The following MALRD1 variants were observed in gnomAD, a reference collection of about 807,000 sequenced individuals.
MALRD1 encodes MAM and LDL-receptor class A domain-containing protein 1.
MALRD1 carries 247 observed loss-of-function variants against 242.1 expected under a neutral mutation model. That is an observed-to-expected ratio of 1.02 (90% confidence interval 0.92 to 1.13). MALRD1 has a LOEUF of 1.13. MALRD1 is among the 50% of genes most tolerant of loss of function. The pLI is 0.00. For missense variants in MALRD1, 2,989 were observed against 2,533.1 expected, an observed-to-expected ratio of 1.18 and a Z score of -3.86; for synonymous variants, 995 against 866.6, an observed-to-expected ratio of 1.15 and a Z score of -2.60.
At position 19,098,737 on chromosome 10, in the gene MALRD1, A is replaced by G. The variant is rs189949269; in HGVS notation, c.598-5242A>G. Among the ~76,000 whole-genome samples, 93 of 152,290 alleles carry G rather than the reference A, an allele frequency of 6.1e-4. 4 individuals are homozygous for G. The East Asian group carries it at 0.016, about 26-fold the overall frequency. ...TTCATTGTTTCATGCCAAGGAAATC[A>G]AAGACGTGAACATACAAGGAGTGAG... is the stretch of plus-strand genomic sequence containing the variant. On this transcript the variant is annotated intron_variant, in intron 4 of 39. Coordinates refer to ENST00000454679, the MANE Select transcript of MALRD1 (RefSeq NM_001142308.3).
intron 4 of MALRD1, 134 bp downstream of exon 4, chr10:19,088,319 C>A: frequency 1.3e-6 from 1 of 780,024 alleles, no homozygotes. Flanking sequence ...CTTTCAAATG[C>A]TGAAAGTGGA....
chr10:19,363,916 A>T (rs1845003854), intron 26 of MALRD1, among the ~76,000 whole-genome samples: 1 of 152,112 alleles, frequency 6.6e-6, no homozygotes, highest in African/African-American at 2.4e-5. Context: ...CTAATATGCA[A>T]CCAGGGTGGA....
At chr10:19,238,564 T>C (rs1838596275) in intron 18 of MALRD1, among the ~76,000 whole-genome samples, 2 of 122,156 alleles carry the variant, frequency 1.6e-5, no homozygotes, top group Non-Finnish European at 3.2e-5. Context: ...ATATTATATA[T>C]AATATACATA....
chr10:19,415,154 A>G (rs1232957651), intron 28 of MALRD1, among the ~76,000 whole-genome samples: 3 of 152,204 alleles, frequency 2.0e-5, no homozygotes, highest in Admixed American at 6.5e-5. Flanking sequence ...AATTCAATAC[A>G]TAGGACAGAC....
chr10:19,143,063 T>C (rs756105895), intron 10 of MALRD1, among the ~76,000 whole-genome samples: 4 of 152,232 alleles, frequency 2.6e-5, no homozygotes, highest in Non-Finnish European at 5.9e-5. Flanking sequence ...CACACATCTT[T>C]ATGGTGACGG....
intron 32 of MALRD1, among the ~76,000 whole-genome samples, chr10:19,556,870 C>A (rs755448862): frequency 6.6e-6 from 1 of 152,056 alleles, no homozygotes; most frequent in Non-Finnish European, 1.5e-5. Context: ...AGTTTGCATT[C>A]CCACCAGAAG....
intron 29 of MALRD1, among the ~76,000 whole-genome samples, chr10:19,489,888 G>T (rs905527095): frequency 8.5e-5 from 13 of 152,142 alleles, no homozygotes; most frequent in Admixed American, 5.2e-4. Context: ...TAGCCTCTTT[G>T]GTTGTGATAG....
chr10:19,503,051 A>G (rs1164036685), intron 31 of MALRD1, among the ~76,000 whole-genome samples: 1 of 152,178 alleles, frequency 6.6e-6, no homozygotes, highest in South Asian at 2.1e-4. Flanking sequence ...TTGTCTGCAG[A>G]TTTAAAAAAA....
intron 1 of MALRD1, among the ~76,000 whole-genome samples, chr10:19,055,528 A>G (rs958604501): frequency 2.6e-5 from 4 of 152,162 alleles, no homozygotes; most frequent in Non-Finnish European, 4.4e-5. Flanking sequence ...TAGAAGTTTT[A>G]TAGTTTAAGG....
chr10:19,346,657 G>GT (rs1394636201), intron 24 of MALRD1, among the ~76,000 whole-genome samples: 1 of 151,800 alleles, frequency 6.6e-6, no homozygotes, highest in Non-Finnish European at 1.5e-5. Flanking sequence ...TTGGTTTTTT[G>GT]TTTTTTGTTT....
At chr10:19,217,010 C>T (rs973763484) in intron 18 of MALRD1, among the ~76,000 whole-genome samples, 4 of 151,876 alleles carry the variant, frequency 2.6e-5, no homozygotes, top group Admixed American at 6.6e-5. Context: ...AAACCAATGG[C>T]TCTTATATAC....
At chr10:19,580,839 G>T (rs888057381) in intron 33 of MALRD1, among the ~76,000 whole-genome samples, 1 of 151,876 alleles carries the variant, frequency 6.6e-6, no homozygotes, top group Non-Finnish European at 1.5e-5. Context: ...TTGACATTTG[G>T]TCATGGCCAA....
At chr10:19,236,267 C>T (rs183258690) in intron 18 of MALRD1, among the ~76,000 whole-genome samples, 30 of 152,306 alleles carry the variant, frequency 2.0e-4, no homozygotes, top group Non-Finnish European at 3.2e-4. Flanking sequence ...CAGGCTTTGA[C>T]TAGTTGGTGC....
intron 33 of MALRD1, 44 bp downstream of exon 33, chr10:19,567,747 G>C (rs890086504): frequency 4.7e-6 from 7 of 1,484,626 alleles, no homozygotes; most frequent in African/African-American, 1.4e-5. Flanking sequence ...TTTGTTTTTA[G>C]TATCTAAATA....
chr10:19,593,580 T>C (rs977633066), intron 33 of MALRD1, among the ~76,000 whole-genome samples: 3 of 152,226 alleles, frequency 2.0e-5, no homozygotes, highest in Non-Finnish European at 4.4e-5. Context: ...AATATATTGA[T>C]GAGTCCCTCG....
chr10:19,087,443 A>G (rs548568239), intron 2 of MALRD1, among the ~76,000 whole-genome samples: 1 of 152,216 alleles, frequency 6.6e-6, no homozygotes, highest in Non-Finnish European at 1.5e-5. Flanking sequence ...TTTGTTCTTT[A>G]AACAAAAAAA....
chr10:19,454,641 C>T (rs929923673), intron 29 of MALRD1, among the ~76,000 whole-genome samples: 1 of 150,470 alleles, frequency 6.6e-6, no homozygotes, highest in East Asian at 2.0e-4. Context: ...AGGTTATGTC[C>T]TGATAAACCC....
intron 21 of MALRD1, among the ~76,000 whole-genome samples, chr10:19,302,760 G>A (rs1216578073): frequency 6.6e-6 from 1 of 151,686 alleles, no homozygotes; most frequent in African/African-American, 2.4e-5. Context: ...TTTATGGTAT[G>A]TGAATTACAA....
chr10:19,443,161 G>C (rs1260123785), intron 28 of MALRD1, among the ~76,000 whole-genome samples: 2 of 152,224 alleles, frequency 1.3e-5, no homozygotes, highest in South Asian at 2.1e-4. Context: ...GATCGGTGGT[G>C]ATATCCCCTT....
Sources: gnomAD v4.1 joint callset for allele counts (sites outside exome capture counted in the v4.1 genomes callset) on GRCh38, gnomAD v4.1.1 for gene constraint, MANE v1.5 for transcripts, NCBI Gene and HGNC (gene_info 2026-07-23, HGNC 2026-07-21) for gene names.